PDE3A: variants seen among roughly 807,000 people sequenced by gnomAD.
The protein encoded by PDE3A is cGMP-inhibited 3',5'-cyclic phosphodiesterase 3A.
Under a neutral mutation model 98.3 loss-of-function variants are expected in PDE3A, and 43 were observed. The observed-to-expected ratio is 0.44, with a 90% CI of 0.34 to 0.56. The LOEUF (loss-of-function observed/expected upper bound fraction) is 0.56. Among genes scored for constraint, PDE3A ranks in the 20% least tolerant of loss-of-function variants. The probability of loss-of-function intolerance (pLI) is 0.01; values close to 1 mark genes in which losing one functional copy is unlikely to be tolerated. For missense variants in PDE3A, 1,427 were observed against 1,440.7 expected, an observed-to-expected ratio of 0.99 and a Z score of 0.15; for synonymous variants, 663 against 567.9, an observed-to-expected ratio of 1.17 and a Z score of -2.38.
chr12:20,575,018 CA>C (rs1942897228), intron 2 of PDE3A, among the ~76,000 whole-genome samples: 1 of 151,948 alleles, frequency 6.6e-6, no homozygotes. Context: ...TGCCATTGGA[CA>C]TACTATTTAT....
chr12:20,439,543 T>G (rs924883390), intron 1 of PDE3A, among the ~76,000 whole-genome samples: 1 of 152,152 alleles, frequency 6.6e-6, no homozygotes, highest in Non-Finnish European at 1.5e-5. Context: ...CACTTAAAAA[T>G]ATTCAGATCA....
intron 1 of PDE3A, among the ~76,000 whole-genome samples, chr12:20,382,141 A>G (rs1943674847): frequency 6.6e-6 from 1 of 151,894 alleles, no homozygotes; most frequent in South Asian, 2.1e-4. Flanking sequence ...AGACGTTTAA[A>G]TACTAGATTA....
At chr12:20,674,582 A>G (rs1358043746) in intron 15 of PDE3A, among the ~76,000 whole-genome samples, 3 of 152,134 alleles carry the variant, frequency 2.0e-5, no homozygotes, top group African/African-American at 4.8e-5. Flanking sequence ...GTCACCCAGT[A>G]CTGAACTTTT....
rs1274213032 is a variant in PDE3A at position 20,682,610 on chromosome 12, T to C, written c.*2339T>C. ...CACCAGGTCTTCATTATTTAGAACTTACTAAATTGTTTTCATTTTCTTAGT... is the reference window on the plus strand; with the variant it reads ...CACCAGGTCTTCATTATTTAGAACTCACTAAATTGTTTTCATTTTCTTAGT... On this transcript the variant is annotated 3_prime_UTR_variant, in exon 16 of 16. Coordinates refer to ENST00000359062, the MANE Select transcript of PDE3A (RefSeq NM_000921.5). 6.6e-6 allele frequency: 1 copy of C among 152,208 alleles called. No individual in the cohort carries two copies. The highest frequency in any genetic ancestry group is 2.4e-5 in the African/African-American group (1 of 41,464). 9.4% of individuals were successfully genotyped at this position (152,208 alleles called of 1,614,324 possible).
intron 1 of PDE3A, among the ~76,000 whole-genome samples, chr12:20,439,042 G>C (rs1274504474): frequency 6.6e-6 from 1 of 152,036 alleles, no homozygotes; most frequent in Admixed American, 6.6e-5. Flanking sequence ...TGATCTGCCT[G>C]CCTCACCCTT....
Position 20,621,373 on chromosome 12 carries a change from C to T in PDE3A, c.1502C>T (p.Ala501Val), listed in dbSNP as rs757672598. 1.2e-6 allele frequency: 2 copies of T among 1,611,582 alleles called. No individual in the cohort carries two copies. The highest frequency in any genetic ancestry group is 1.1e-5 in the South Asian group (1 of 91,034). ...RSFTSSYAIS[A>V]ANHVKAKKQS... is the part of the protein sequence containing the mutation. ...TTTACTTCATCCTATGCTATTTCTG[C>T]AGCTAACCATGTAAAGGCTAAAAAG... The change falls in exon 5 of 16, where the codon GCA becomes GTA. Residue 501 changes from alanine to valine, a missense_variant. By Grantham distance (64) the Ala-to-Val change is moderately conservative. This residue lies in a region of PDE3A where 1,012 missense variants were observed against 886.5 expected (regional missense o/e 1.14). Transcript: ENST00000359062.
chr12:20,582,740 A>C (rs1044050534), intron 2 of PDE3A, among the ~76,000 whole-genome samples: 1 of 152,122 alleles, frequency 6.6e-6, no homozygotes, highest in Non-Finnish European at 1.5e-5. Flanking sequence ...GTCTATTTGT[A>C]AATGGAAACA....
chr12:20,562,298 G>A (rs1435533316), intron 2 of PDE3A, among the ~76,000 whole-genome samples: 6 of 141,588 alleles, frequency 4.2e-5, no homozygotes, highest in African/African-American at 1.6e-4. Flanking sequence ...TCAGCTCACC[G>A]CAACCTCTGC....
chr12:20,587,310 A>T (rs1227745733), intron 2 of PDE3A, among the ~76,000 whole-genome samples: 1 of 152,194 alleles, frequency 6.6e-6, no homozygotes, highest in African/African-American at 2.4e-5. Flanking sequence ...CAGAGGTTGC[A>T]GTGAGCTGAC....
At chr12:20,377,847 T>C (rs1943599092) in intron 1 of PDE3A, among the ~76,000 whole-genome samples, 1 of 151,762 alleles carries the variant, frequency 6.6e-6, no homozygotes, top group South Asian at 2.1e-4. Context: ...TGAATTTGCC[T>C]TTAGGAGTTT....
At chr12:20,573,991 C>T (rs1322453833) in intron 2 of PDE3A, among the ~76,000 whole-genome samples, 1 of 152,060 alleles carries the variant, frequency 6.6e-6, no homozygotes, top group East Asian at 1.9e-4. Context: ...TGCTTCTAAG[C>T]CTGCCTTATG....
chr12:20,566,768 T>C (rs926653878), intron 2 of PDE3A, among the ~76,000 whole-genome samples: 1 of 151,924 alleles, frequency 6.6e-6, no homozygotes, highest in African/African-American at 2.4e-5. Context: ...ATTGAAGCCA[T>C]GTTGAAGTTA....
intron 1 of PDE3A, among the ~76,000 whole-genome samples, chr12:20,500,423 G>C (rs1399844515): frequency 6.6e-6 from 1 of 152,088 alleles, no homozygotes; most frequent in African/African-American, 2.4e-5. Context: ...AAAAGAAAAA[G>C]ATGATTATCT....
intron 1 of PDE3A, among the ~76,000 whole-genome samples, chr12:20,388,307 A>C (rs531642181): frequency 3.9e-4 from 60 of 152,188 alleles, no homozygotes; most frequent in African/African-American, 1.4e-3. Flanking sequence ...CTAGTGGTAC[A>C]TGATCCTCCA....
rs749419158 is a variant in PDE3A, at chr12:20,629,915, C to T, written c.1548C>T (p.Leu516=). ...ACTCTCATTCTTTCTCAGGTGCCCTCGCTAAAATTTCACCTCTTTCATCGC... is the reference window on the plus strand; with the variant it reads ...ACTCTCATTCTTTCTCAGGTGCCCTTGCTAAAATTTCACCTCTTTCATCGC... ...KAKKQSRPGA[L]AKISPLSSPC... The change falls in exon 6 of 16, where the codon CTC becomes CTT. Residue 516 remains leucine, a synonymous_variant. Transcript: ENST00000359062. 1.9e-5 allele frequency: 31 copies of T among 1,612,434 alleles called. No homozygotes were observed. Among genetic ancestry groups the T allele is most frequent in the Middle Eastern group, 3.3e-4 (2 of 6,078 alleles).
At chr12:20,424,900 T>G (rs1944579035) in intron 1 of PDE3A, among the ~76,000 whole-genome samples, 1 of 152,214 alleles carries the variant, frequency 6.6e-6, no homozygotes, top group African/African-American at 2.4e-5. Context: ...TCTGTCTCTG[T>G]GCACAGCACA....
At chr12:20,467,385 C>T (rs1403458909) in intron 1 of PDE3A, among the ~76,000 whole-genome samples, 2 of 150,990 alleles carry the variant, frequency 1.3e-5, no homozygotes, top group African/African-American at 2.4e-5. Flanking sequence ...GAATGACTTT[C>T]TATATTCCTG....
chr12:20,464,598 C>G (rs573042294), intron 1 of PDE3A, among the ~76,000 whole-genome samples: 27 of 152,038 alleles, frequency 1.8e-4, no homozygotes, highest in Non-Finnish European at 2.9e-4. Flanking sequence ...GATGTTTTAC[C>G]GTGAGCTGAA....
chr12:20,618,601 T>C (rs1944063778), intron 4 of PDE3A, among the ~76,000 whole-genome samples: 1 of 152,064 alleles, frequency 6.6e-6, no homozygotes, highest in South Asian at 2.1e-4. Context: ...TGTACTGTGT[T>C]CTTAGAGGCA....
Sources: allele counts gnomAD v4.1 joint callset (sites outside exome capture counted in the v4.1 genomes callset), GRCh38; gene constraint gnomAD v4.1.1; regional missense constraint gnomAD v4.1.1; transcripts MANE v1.5; gene names NCBI Gene and HGNC (gene_info 2026-07-23, HGNC 2026-07-21).